SATB2: variants seen among roughly 807,000 people sequenced by gnomAD.
SATB2 encodes DNA-binding protein SATB2.
In SATB2, 1 loss-of-function variant was observed where a neutral mutation model predicts 73.4. The ratio of observed to expected loss-of-function variants is 0.01; its 90% CI spans 0.00 to 0.06. SATB2 has a LOEUF of 0.06. SATB2 is among the 10% of genes least tolerant of loss of function. SATB2 has a pLI of 1.00. For missense variants in SATB2, 459 were observed against 945.8 expected, an observed-to-expected ratio of 0.49 and a Z score of 6.75; for synonymous variants, 397 against 367.0, an observed-to-expected ratio of 1.08 and a Z score of -0.93.
chr2:199,422,795 C>T (rs559356815), intron 3 of SATB2, among the ~76,000 whole-genome samples: 1 of 152,220 alleles, frequency 6.6e-6, no homozygotes, highest in East Asian at 1.9e-4. Context: ...AGCCCTAGGA[C>T]AGTGCCTGGT....
upstream of SATB2, chr2:199,468,272 T>C (rs1287061989): frequency 2.6e-5 from 4 of 152,064 alleles, no homozygotes; most frequent in Admixed American, 2.6e-4. Flanking sequence ...GTAGGAGGAC[T>C]GGGGTGGGTG....
At chr2:199,433,266 T>C (rs1312229856) in intron 3 of SATB2, 72 bp downstream of exon 3, 1 of 1,470,992 alleles carries the variant, frequency 6.8e-7, no homozygotes, top group African/African-American at 1.4e-5. Context: ...GGAGAACTAT[T>C]TCAGAAAACA....
intron 6 of SATB2, among the ~76,000 whole-genome samples, chr2:199,353,112 A>G (rs1227914730): frequency 6.6e-6 from 1 of 151,714 alleles, no homozygotes; most frequent in Non-Finnish European, 1.5e-5. Context: ...ACCAAGGCAG[A>G]ACACGATTTC....
chr2:199,324,659 A>G (rs1487660235), intron 8 of SATB2, among the ~76,000 whole-genome samples: 1 of 152,170 alleles, frequency 6.6e-6, no homozygotes, highest in East Asian at 1.9e-4. Context: ...AGCTTCAGAG[A>G]CAAATGAAGG....
At chr2:199,456,944 C>T (rs1263823382) in intron 1 of SATB2, among the ~76,000 whole-genome samples, 2 of 131,752 alleles carry the variant, frequency 1.5e-5, no homozygotes, top group African/African-American at 2.8e-5. Context: ...CCACGGAAGC[C>T]GCAGGTCTCG....
rs1375456604 is a variant in SATB2, at chr2:199,386,714, GCGCACACACACACACACACACA to G, written c.347-4916_347-4895del. On this transcript the variant is annotated intron_variant, in intron 3 of 10. Coordinates refer to ENST00000417098, the MANE Select transcript of SATB2 (RefSeq NM_001172509.2). ...TGCGCAAGCGCGCGCGCGCGCGCGCGCGCACACACACACACACACACACACACACACACACACACACACACAC... is the reference window on the plus strand; with the variant it reads ...TGCGCAAGCGCGCGCGCGCGCGCGCGCACACACACACACACACACACACAC... Among the ~76,000 whole-genome samples the G allele has an allele frequency of 9.0e-3, 202 of 22,558 alleles. 1 individual carries two copies. The highest frequency in any genetic ancestry group is 0.031 in the Middle Eastern group (1 of 32). 14.8% of individuals were successfully genotyped at this position (22,558 alleles called of 152,430 possible).
chr2:199,384,785 A>G (rs1021991333), intron 3 of SATB2, among the ~76,000 whole-genome samples: 1 of 152,208 alleles, frequency 6.6e-6, no homozygotes, highest in African/African-American at 2.4e-5. Flanking sequence ...AAAAGTACTG[A>G]TCTTACAAGA....
chr2:199,277,567 C>T (rs894438806), intron 10 of SATB2, among the ~76,000 whole-genome samples: 1 of 152,116 alleles, frequency 6.6e-6, no homozygotes, highest in African/African-American at 2.4e-5. Flanking sequence ...TTAATCTAGA[C>T]AACAAATTCA....
intron 2 of SATB2, among the ~76,000 whole-genome samples, chr2:199,441,382 AATATT>A (rs1691811868): frequency 6.6e-6 from 1 of 152,308 alleles, no homozygotes; most frequent in Non-Finnish European, 1.5e-5. Flanking sequence ...CAATATATTG[AATATT>A]ATTTCTCAAT....
chr2:199,425,892 T>C (rs1691311733), intron 3 of SATB2, among the ~76,000 whole-genome samples: 1 of 152,164 alleles, frequency 6.6e-6, no homozygotes, highest in Non-Finnish European at 1.5e-5. Flanking sequence ...CACACACACA[T>C]ATGTATGAAT....
intron 3 of SATB2, among the ~76,000 whole-genome samples, chr2:199,393,275 G>A (rs1220132981): frequency 6.6e-6 from 1 of 152,154 alleles, no homozygotes; most frequent in Non-Finnish European, 1.5e-5. Context: ...AGGGAAGGAG[G>A]GAATGAAGCT....
At chr2:199,424,661 A>G (rs1406198768) in intron 3 of SATB2, among the ~76,000 whole-genome samples, 2 of 152,210 alleles carry the variant, frequency 1.3e-5, no homozygotes, top group Admixed American at 1.3e-4. Flanking sequence ...TTTGCAAATA[A>G]CTGAAATTAT....
At chr2:199,389,807 C>T (rs1487607131) in intron 3 of SATB2, among the ~76,000 whole-genome samples, 1 of 151,960 alleles carries the variant, frequency 6.6e-6, no homozygotes, top group Non-Finnish European at 1.5e-5. Context: ...TTTTAGAGTA[C>T]TTTCTGAATA....
At chr2:199,335,542 C>T (rs1688313312) in intron 7 of SATB2, among the ~76,000 whole-genome samples, 1 of 152,162 alleles carries the variant, frequency 6.6e-6, no homozygotes, top group South Asian at 2.1e-4. Flanking sequence ...ATACAGTAAA[C>T]TCCTTGGGGG....
intron 3 of SATB2, among the ~76,000 whole-genome samples, chr2:199,408,506 G>A (rs935924483): frequency 3.3e-5 from 5 of 151,948 alleles, no homozygotes; most frequent in Non-Finnish European, 7.4e-5. Flanking sequence ...CGTGTCAGAG[G>A]GACCATGAGC....
chr2:199,338,384 G>GA (rs11339019), intron 7 of SATB2, among the ~76,000 whole-genome samples: 44 of 146,298 alleles, frequency 3.0e-4, no homozygotes, highest in East Asian at 2.5e-3. Flanking sequence ...AAACAAACAA[G>GA]AAAAAAAAAA....
At chr2:199,278,564 G>A (rs1054579597) in intron 10 of SATB2, among the ~76,000 whole-genome samples, 4 of 152,174 alleles carry the variant, frequency 2.6e-5, no homozygotes, top group Non-Finnish European at 5.9e-5. Flanking sequence ...TCCACCATCA[G>A]GGTAATGGAA....
Position 199,276,660 on chromosome 2 carries a change from A to G in SATB2, c.1741-3988T>C, listed in dbSNP as rs200927805. Among the ~76,000 whole-genome samples the G allele has an allele frequency of 2.0e-5, 3 of 152,336 alleles. No individual in the cohort carries two copies. In the East Asian group the frequency reaches 5.8e-4, roughly 29 times the overall value. On this transcript the variant is annotated intron_variant, in intron 10 of 10. Coordinates refer to ENST00000417098, the MANE Select transcript of SATB2 (RefSeq NM_001172509.2). ...AACTAGTCCTTTATGCAGTCAGATTATAATTTTCTGAGATTTTCTTTATAT... is the reference window on the plus strand; with the variant it reads ...AACTAGTCCTTTATGCAGTCAGATTGTAATTTTCTGAGATTTTCTTTATAT...
intron 3 of SATB2, among the ~76,000 whole-genome samples, chr2:199,417,071 C>T (rs1012420536): frequency 6.9e-6 from 1 of 145,226 alleles, no homozygotes; most frequent in Non-Finnish European, 1.5e-5. Flanking sequence ...CACACACACA[C>T]TCACAAAAAA....
Sources: allele counts gnomAD v4.1 joint callset (sites outside exome capture counted in the v4.1 genomes callset), GRCh38; gene constraint gnomAD v4.1.1; transcripts MANE v1.5; gene names NCBI Gene and HGNC (gene_info 2026-07-23, HGNC 2026-07-21).